The following DST variants were observed in gnomAD, a reference collection of about 807,000 sequenced individuals.
The protein encoded by DST is bullous pemphigoid antigen.
Under a neutral mutation model 875.2 loss-of-function variants are expected in DST, and 253 were observed. The observed-to-expected ratio is 0.29, with a 90% CI of 0.26 to 0.32. The LOEUF (loss-of-function observed/expected upper bound fraction) is 0.32, where lower values mean the gene tolerates loss of function less well. DST is among the 10% of genes least tolerant of loss of function. The pLI, the probability that DST is intolerant of heterozygous loss-of-function variation, is 1.00. For missense variants in DST, 8,287 were observed against 9,111.6 expected (o/e 0.91, Z 3.68); for synonymous variants, 3,124 against 3,197.1 (o/e 0.98, Z 0.77).
At chr6:56,497,612 T>A in intron 81 of DST, 105 bp from the exon 82 acceptor site, 1 of 1,377,486 alleles carries the variant, frequency 7.3e-7, no homozygotes, top group African/African-American at 1.4e-5. Flanking sequence ...TATGCATTCT[T>A]AAGAACAGCC....
intron 93 of DST, among the ~76,000 whole-genome samples, chr6:56,473,037 A>G (rs1274716243): frequency 6.6e-6 from 1 of 152,232 alleles, no homozygotes; most frequent in African/African-American, 2.4e-5. Context: ...TAGGTTAAGC[A>G]TTTTGTATGT....
intron 4 of DST, among the ~76,000 whole-genome samples, chr6:56,769,207 A>G (rs1006209557): frequency 6.6e-6 from 1 of 152,210 alleles, no homozygotes. Context: ...GCTCAACACC[A>G]TATTAGAGAA....
intron 4 of DST, among the ~76,000 whole-genome samples, chr6:56,849,134 ATT>A (rs755617631): frequency 1.6e-4 from 18 of 114,962 alleles, no homozygotes; most frequent in African/African-American, 5.4e-4. Flanking sequence ...AATTCATGCA[ATT>A]TTTTTTTTTT....
chr6:56,829,899 A>G (rs1458731823), intron 4 of DST, among the ~76,000 whole-genome samples: 2 of 152,294 alleles, frequency 1.3e-5, no homozygotes, highest in Non-Finnish European at 1.5e-5. Context: ...CTAGCTACTT[A>G]GCATGAGTTA....
At chr6:56,634,370 T>C (rs1419266003) in intron 26 of DST, 92 bp downstream of exon 26, 1 of 1,607,216 alleles carries the variant, frequency 6.2e-7, no homozygotes, top group Non-Finnish European at 8.5e-7. Flanking sequence ...AGACTTTTGA[T>C]CCTGTGGGGC....
In DST at chr6:56,608,747, A is replaced by G; in HGVS notation, c.5881T>C (p.Leu1961=). The change falls in exon 40 of 104, where the codon TTA becomes CTA. Residue 1961 remains leucine (L), a synonymous_variant. Coordinates refer to ENST00000680361, the MANE Select transcript of DST (RefSeq NM_001374736.1). ...ATGCTTATGTTTCTTCCACATTTTA[A>G]TGTTATTCTACCTCCTTCTTGTGGT... The part of the protein sequence containing the change: ...VRPQEGGRIT[L]KCGRNISILR... 1 of 1,609,824 alleles carries G rather than the reference A, an allele frequency of 6.2e-7. No individual in the cohort carries two copies. The highest frequency in any genetic ancestry group is 8.5e-7 in the Non-Finnish European group (1 of 1,177,852).
At chr6:56,891,823 C>CA (rs924673550) in intron 3 of DST, among the ~76,000 whole-genome samples, 7 of 150,312 alleles carry the variant, frequency 4.7e-5, no homozygotes, top group East Asian at 2.0e-4. Flanking sequence ...GACTCCGTCT[C>CA]AAAAAAAAAC....
At chr6:56,568,336 C>G (rs2097718455) in intron 55 of DST, 133 bp downstream of exon 55, 1 of 909,116 alleles carries the variant, frequency 1.1e-6, no homozygotes, top group African/African-American at 1.7e-5. Context: ...CTTACAGATG[C>G]CATGTTTCTT....
Position 56,607,173 on chromosome 6 carries a change from T to C in DST, c.7455A>G (p.Lys2485=). Residue 2485 remains lysine (K), a synonymous_variant, in exon 40 of 104, where the codon AAA becomes AAG. Transcript: ENST00000680361. ...CAATTCCCAGAAACTGGTCTTGAAA[T>C]TTTTCTCCTATTCTTTGACCTGACA... The part of the protein sequence containing the change: ...TMLSGQRIGE[K]FQDQFLGIAA... 2 of 1,613,406 alleles carry C rather than the reference T, an allele frequency of 1.2e-6. No homozygotes were observed. The highest frequency in any genetic ancestry group is 1.7e-6 in the Non-Finnish European group (2 of 1,179,608).
intron 2 of DST, among the ~76,000 whole-genome samples, chr6:56,922,156 C>T (rs1804635461): frequency 6.6e-6 from 1 of 152,130 alleles, no homozygotes; most frequent in Non-Finnish European, 1.5e-5. Flanking sequence ...AAGCATACTG[C>T]TTATGTTAAA....
At chr6:56,704,525 A>T (rs1245104839) in intron 5 of DST, among the ~76,000 whole-genome samples, 156 bp from the exon 6 acceptor site, 1 of 152,232 alleles carries the variant, frequency 6.6e-6, no homozygotes, top group African/African-American at 2.4e-5. Context: ...TTAAAAACTA[A>T]ATTTAATTTA....
rs2094189177 is a variant in DST, at chr6:56,459,047, C to T, written c.23415G>A (p.Arg7805=). ...AKPSKIPTPQ[R]KSPASKLDKS... Reference sequence around the variant, plus strand: ...TGTCCAATTTGCTGGCAGGTGATTTCCTCTGGGGCGTGGGGATTTTTGAAG... The same window carrying T: ...TGTCCAATTTGCTGGCAGGTGATTTTCTCTGGGGCGTGGGGATTTTTGAAG... The change falls in exon 104 of 104, where the codon AGG becomes AGA. Residue 7805 remains arginine, a synonymous_variant. Transcript: ENST00000680361. 3 of 1,613,788 alleles carry T rather than the reference C, an allele frequency of 1.9e-6. No homozygotes were observed. Among genetic ancestry groups the T allele is most frequent in the Non-Finnish European group, 2.5e-6 (3 of 1,179,750 alleles).
At chr6:56,679,690 T>G (rs1161878586) in intron 9 of DST, among the ~76,000 whole-genome samples, 3 of 151,364 alleles carry the variant, frequency 2.0e-5, no homozygotes. Flanking sequence ...GAGGATCACC[T>G]GGGCCCAGGA....
chr6:56,805,205 G>C (rs1373437616), intron 4 of DST, among the ~76,000 whole-genome samples: 1 of 152,052 alleles, frequency 6.6e-6, no homozygotes. Flanking sequence ...AACAAACGAG[G>C]CAGCCAAGAG....
intron 4 of DST, among the ~76,000 whole-genome samples, chr6:56,766,690 C>T (rs1241058317): frequency 6.6e-6 from 1 of 152,084 alleles, no homozygotes; most frequent in Admixed American, 6.5e-5. Flanking sequence ...GCCACCATGC[C>T]CAGCTAATTT....
intron 2 of DST, among the ~76,000 whole-genome samples, chr6:56,927,672 G>A (rs576292911): frequency 2.6e-5 from 4 of 151,990 alleles, no homozygotes; most frequent in South Asian, 2.1e-4. Context: ...CCCCTTTGAC[G>A]AAGAGAAAAA....
chr6:56,476,085 G>T (rs1355686468), intron 92 of DST, 64 bp downstream of exon 92: 2 of 1,333,348 alleles, frequency 1.5e-6, no homozygotes, highest in Non-Finnish European at 2.1e-6. Context: ...GAGAAGTACA[G>T]CAGTGAAAGA....
intron 77 of DST, among the ~76,000 whole-genome samples, chr6:56,505,880 T>C (rs1312464813): frequency 2.6e-5 from 4 of 152,094 alleles, no homozygotes; most frequent in African/African-American, 7.2e-5. Context: ...ATGAAAACCC[T>C]TAAGTGAAAA....
intron 9 of DST, among the ~76,000 whole-genome samples, chr6:56,698,313 A>T (rs1341586297): frequency 6.6e-6 from 1 of 151,702 alleles, no homozygotes; most frequent in Non-Finnish European, 1.5e-5. Context: ...TATTTCAGCC[A>T]ACTTAAAAAA....
Sources: allele counts gnomAD v4.1 joint callset (sites outside exome capture counted in the v4.1 genomes callset), GRCh38; gene constraint gnomAD v4.1.1; transcripts MANE v1.5; gene names NCBI Gene and HGNC (gene_info 2026-07-23, HGNC 2026-07-21).